SMAD1: variants seen among roughly 807,000 people sequenced by gnomAD.
The protein encoded by SMAD1 is MAD, mothers against decapentaplegic homolog 1.
Under a neutral mutation model 41.6 loss-of-function variants are expected in SMAD1, and 6 were observed. That is an observed-to-expected ratio of 0.14 (90% confidence interval 0.08 to 0.28). SMAD1 has a LOEUF of 0.28. Among genes scored for constraint, SMAD1 ranks in the 10% least tolerant of loss-of-function variants. The pLI, the probability that SMAD1 is intolerant of heterozygous loss-of-function variation, is 1.00. For synonymous variants in SMAD1, 206 were observed against 203.2 expected (o/e 1.01, Z -0.12); for missense variants, 379 against 582.6 (o/e 0.65, Z 3.60).
intron 1 of SMAD1, among the ~76,000 whole-genome samples, chr4:145,496,282 A>G (rs1729069707): frequency 6.6e-6 from 1 of 152,172 alleles, no homozygotes; most frequent in East Asian, 1.9e-4. Context: ...CAAGGGGGGG[A>G]CTACTGTGGA....
chr4:145,515,506 G>A (rs1015472989), intron 2 of SMAD1, among the ~76,000 whole-genome samples: 3 of 152,098 alleles, frequency 2.0e-5, no homozygotes, highest in African/African-American at 4.8e-5. Flanking sequence ...CTTAAGAACA[G>A]CACTTTTTAT....
At chr4:145,521,187 A>G (rs1730722643) in intron 2 of SMAD1, among the ~76,000 whole-genome samples, 1 of 152,214 alleles carries the variant, frequency 6.6e-6, no homozygotes, top group Non-Finnish European at 1.5e-5. Flanking sequence ...GTTGAATTAA[A>G]TGTAGGGTTT....
chr4:145,557,943 AG>A lies in SMAD1; in HGVS notation c.*11del. The A allele has an allele frequency of 6.3e-7, 1 of 1,593,664 alleles. No homozygotes were observed. Among genetic ancestry groups the A allele is most frequent in the South Asian group, 1.1e-5 (1 of 87,002 alleles). ...TTTCATCTGTATCTTAAATGGCCCCAGGCATCTGCCTCTGGAAAACTATTGA... is the reference window on the plus strand; with the variant it reads ...TTTCATCTGTATCTTAAATGGCCCCAGCATCTGCCTCTGGAAAACTATTGA... On this transcript the variant is annotated 3_prime_UTR_variant, in exon 7 of 7. Transcript: ENST00000302085.
rs1314187484 is a variant in SMAD1, at chr4:145,546,689, TTTC to T, written c.776-11_776-9del. The stretch of plus-strand genomic sequence containing the variant: ...GCACTAACCTTGGTTGATATAACAT[TTTC>T]TTTCCTCTAGATGTTCAGGCGGTTG... On this transcript the variant is annotated splice_polypyrimidine_tract_variant and intron_variant, in intron 4 of 6. Coordinates refer to ENST00000302085, the MANE Select transcript of SMAD1 (RefSeq NM_005900.3). 6 of 1,599,346 alleles carry T rather than the reference TTTC, an allele frequency of 3.8e-6. No individual in the cohort carries two copies. In the African/African-American group the frequency reaches 8.0e-5, roughly 21 times the overall value.
intron 6 of SMAD1, among the ~76,000 whole-genome samples, chr4:145,554,486 T>TA (rs1732730206): frequency 6.6e-6 from 1 of 152,166 alleles, no homozygotes; most frequent in Non-Finnish European, 1.5e-5. Flanking sequence ...TTGTAAAAAT[T>TA]AAAGTTCATC....
chr4:145,486,878 C>T (rs1345685440), intron 1 of SMAD1, among the ~76,000 whole-genome samples: 1 of 152,028 alleles, frequency 6.6e-6, no homozygotes, highest in East Asian at 1.9e-4. Context: ...CATTAAGTGC[C>T]CTTTTGTTTT....
rs1428462350 is a variant in SMAD1 at position 145,553,777 on chromosome 4, C to T, written c.998-7C>T. ...ATAACTAAATGGTATGCTTTGTCTT[C>T]CTATAGGAGTTCATCTTTATTATGT... On this transcript the variant is annotated splice_polypyrimidine_tract_variant and splice_region_variant and intron_variant, in intron 5 of 6. Transcript: ENST00000302085. 1.9e-6 allele frequency: 3 copies of T among 1,612,558 alleles called. No homozygotes were observed. Among genetic ancestry groups the T allele is most frequent in the East Asian group, 2.2e-5 (1 of 44,878 alleles).
Position 145,542,619 on chromosome 4 carries a change from C to T in SMAD1, c.696C>T (p.Asp232=). ...TPPPAYLPPE[D]PMTQDGSQPM... ...CACCTGCTTACCTGCCTCCTGAAGA[C>T]CCCATGACCCAGGATGGCTCTCAGC... Residue 232 remains aspartate (D), a synonymous_variant, in exon 4 of 7, where the codon GAC becomes GAT. Transcript: ENST00000302085. 6.2e-7 allele frequency: 1 copy of T among 1,613,124 alleles called. No individual in the cohort carries two copies. The highest frequency in any genetic ancestry group is 8.5e-7 in the Non-Finnish European group (1 of 1,179,654).
chr4:145,550,518 A>T (rs905409113), intron 5 of SMAD1, among the ~76,000 whole-genome samples: 23 of 152,292 alleles, frequency 1.5e-4, no homozygotes, highest in Admixed American at 1.1e-3. Context: ...GTCTTGAAAT[A>T]AATTAATTAA....
At chr4:145,505,251 C>G (rs979763546) in intron 1 of SMAD1, among the ~76,000 whole-genome samples, 19 of 152,146 alleles carry the variant, frequency 1.2e-4, no homozygotes, top group African/African-American at 4.6e-4. Flanking sequence ...GCATCTCAAA[C>G]AAGGCAAGAG....
chr4:145,559,080 G>A lies in SMAD1; in HGVS notation c.*1146G>A, dbSNP rs1732998362. 1.3e-5 allele frequency among the ~76,000 whole-genome samples: 2 copies of A among 151,982 alleles called. No homozygotes were observed. Among genetic ancestry groups the A allele is most frequent in the East Asian group, 3.9e-4 (2 of 5,188 alleles). ...CTGTTAATCTTTTGTATTCACTTAT[G>A]CTCTCGTACATTGAGTACTTTTATT... is the stretch of plus-strand genomic sequence containing the variant. On this transcript the variant is annotated 3_prime_UTR_variant, in exon 7 of 7. Transcript: ENST00000302085.
intron 1 of SMAD1, among the ~76,000 whole-genome samples, chr4:145,492,486 G>A (rs941238635): frequency 3.9e-5 from 6 of 152,342 alleles, no homozygotes; most frequent in African/African-American, 1.2e-4. Context: ...GTGGAGGAAG[G>A]GGCATGGAGC....
intron 1 of SMAD1, among the ~76,000 whole-genome samples, chr4:145,504,431 A>G (rs1729649229): frequency 6.6e-6 from 1 of 152,196 alleles, no homozygotes; most frequent in Non-Finnish European, 1.5e-5. Flanking sequence ...CTTAACCTTA[A>G]GGGTAGATAT....
At chr4:145,550,667 AT>A (rs1264547269) in intron 5 of SMAD1, among the ~76,000 whole-genome samples, 2 of 152,330 alleles carry the variant, frequency 1.3e-5, no homozygotes, top group African/African-American at 4.8e-5. Context: ...AAATGATATG[AT>A]TATTTATCTA....
intron 1 of SMAD1, among the ~76,000 whole-genome samples, chr4:145,493,040 A>G (rs1180909357): frequency 6.6e-6 from 1 of 152,226 alleles, no homozygotes; most frequent in African/African-American, 2.4e-5. Context: ...ATGACCTGCA[A>G]ACATTTTAAA....
chr4:145,548,890 A>T lies in SMAD1; in HGVS notation c.997+1966A>T, dbSNP rs534045478. Among the ~76,000 whole-genome samples, 4 of 152,194 alleles carry T rather than the reference A, an allele frequency of 2.6e-5. No individual in the cohort carries two copies. In the East Asian group the frequency reaches 7.7e-4, roughly 29 times the overall value. ...ATTGATGCCCTGTTTTGACTGGGAG[A>T]TCAAAATTATCATCACCAATGAGAG... is the stretch of plus-strand genomic sequence containing the variant. On this transcript the variant is annotated intron_variant, in intron 5 of 6. Transcript: ENST00000302085.
chr4:145,557,321 T>C (rs1732898261), intron 6 of SMAD1, among the ~76,000 whole-genome samples: 1 of 152,180 alleles, frequency 6.6e-6, no homozygotes, highest in Non-Finnish European at 1.5e-5. Flanking sequence ...TGCTCAGAGA[T>C]TGAAAGATCA....
chr4:145,532,543 G>C (rs887174425), intron 2 of SMAD1, among the ~76,000 whole-genome samples: 6 of 152,136 alleles, frequency 3.9e-5, no homozygotes, highest in Non-Finnish European at 8.8e-5. Flanking sequence ...TAAATAACTC[G>C]GAAGAAATTC....
Position 145,539,930 on chromosome 4 carries a change from T to C in SMAD1, c.527T>C (p.Phe176Ser). ...CTCAACGCCACTTTTCCAGATTCTTTCCAGCAACCCAACAGCCACCCGTTT... is the reference window on the plus strand; with the variant it reads ...CTCAACGCCACTTTTCCAGATTCTTCCCAGCAACCCAACAGCCACCCGTTT... ...MPLNATFPDS[F>S]QQPNSHPFPH... The change falls in exon 3 of 7, where the codon TTC (phenylalanine) becomes TCC (serine). Residue 176 changes from phenylalanine to serine, a missense_variant. Around this residue, in one of 3 missense-constraint regions of SMAD1, gnomAD observed 208 missense variants for 210.5 expected, o/e 0.99. Coordinates refer to ENST00000302085, the MANE Select transcript of SMAD1 (RefSeq NM_005900.3). 1 of 1,614,074 alleles carries C rather than the reference T, an allele frequency of 6.2e-7. No individual in the cohort carries two copies. Among genetic ancestry groups the C allele is most frequent in the Non-Finnish European group, 8.5e-7 (1 of 1,179,994 alleles).
Sources: gnomAD v4.1 joint callset for allele counts (sites outside exome capture counted in the v4.1 genomes callset) on GRCh38, gnomAD v4.1.1 for gene constraint, gnomAD v4.1.1 regional missense constraint, MANE v1.5 for transcripts, NCBI Gene and HGNC (gene_info 2026-07-23, HGNC 2026-07-21) for gene names.